Variants in GRIP1 observed in about 807,000 individuals in gnomAD.
The protein encoded by GRIP1 is glutamate receptor interacting protein 1.
In GRIP1, 45 loss-of-function variants were observed where a neutral mutation model predicts 129.9. The observed-to-expected ratio is 0.35, with a 90% confidence interval of 0.27 to 0.44. The LOEUF (loss-of-function observed/expected upper bound fraction) is 0.44, where lower values mean the gene tolerates loss of function less well. Among genes scored for constraint, GRIP1 ranks in the 20% least tolerant of loss-of-function variants. GRIP1 has a pLI of 1.00. For missense variants in GRIP1, 1,196 were observed against 1,396.8 expected (o/e 0.86, Z 2.29); for synonymous variants, 530 against 520.8 (o/e 1.02, Z -0.24).
chr12:66,639,573 T>C (rs930141512), intron 1 of GRIP1, among the ~76,000 whole-genome samples: 1 of 152,120 alleles, frequency 6.6e-6, no homozygotes, highest in African/African-American at 2.4e-5. Flanking sequence ...GGTAGGTGGG[T>C]TGTGAAGAGA....
chr12:66,522,757 T>C (rs1267393088), intron 5 of GRIP1, among the ~76,000 whole-genome samples: 1 of 151,832 alleles, frequency 6.6e-6, no homozygotes, highest in Non-Finnish European at 1.5e-5. Context: ...TTCAAACCAA[T>C]GGCAAAGAAG....
intron 2 of GRIP1, among the ~76,000 whole-genome samples, chr12:66,578,752 G>C (rs557406765): frequency 6.6e-6 from 1 of 152,190 alleles, no homozygotes; most frequent in Non-Finnish European, 1.5e-5. Flanking sequence ...CAAAGCAGCC[G>C]GGAAGCTCCA....
At position 66,351,555 on chromosome 12, in the gene GRIP1, G is replaced by GTTTTTTTTTT. The variant is rs1565655525; in HGVS notation, c.3159+1861_3159+1862insAAAAAAAAAA. 6.5e-4 allele frequency among the ~76,000 whole-genome samples: 94 copies of GTTTTTTTTTT among 143,526 alleles called. 1 individual carries two copies. Among genetic ancestry groups the GTTTTTTTTTT allele is most frequent in the African/African-American group, 2.4e-3 (91 of 37,506 alleles). 94.2% of individuals were successfully genotyped at this position (143,526 alleles called of 152,430 possible). A position where few individuals can be genotyped will look rare whatever the true frequency, so the allele number is the denominator to read the frequency against. On this transcript the variant is annotated intron_variant, in intron 24 of 24. Coordinates refer to ENST00000359742, the MANE Select transcript of GRIP1 (RefSeq NM_001366722.1). ...AGTATATGCAGGGAAACAGGAAGGT[G>GTTTTTTTTTT]GTTTTTTTTTTTTTTTTTTTGGAAA...
At chr12:66,837,903 C>T (rs898363024) in intron 1 of GRIP1, among the ~76,000 whole-genome samples, 5 of 152,068 alleles carry the variant, frequency 3.3e-5, no homozygotes. Context: ...GTTAAAAAAT[C>T]CAGCAGGAGG....
intron 1 of GRIP1, among the ~76,000 whole-genome samples, chr12:66,954,073 G>A (rs1231920576): frequency 1.3e-5 from 2 of 152,102 alleles, no homozygotes; most frequent in African/African-American, 4.8e-5. Context: ...TTCTCCTACT[G>A]GGTTTCAAGG....
chr12:66,541,909 C>T lies in GRIP1; in HGVS notation c.178G>A (p.Glu60Lys), dbSNP rs771245802. 48 of 1,613,888 alleles carry T rather than the reference C, an allele frequency of 3.0e-5. No homozygotes were observed. Among genetic ancestry groups the T allele is most frequent in the Non-Finnish European group, 3.9e-5 (46 of 1,179,876 alleles). ...GSTVVELMKK[E>K]GTTLGLTVSG... ...ACCGTCAGACCCAGGGTAGTGCCTTCCTTCTTCATCAGCTCGACGACTGTG... is the reference window on the plus strand; with the variant it reads ...ACCGTCAGACCCAGGGTAGTGCCTTTCTTCTTCATCAGCTCGACGACTGTG... Residue 60 changes from glutamate (E) to lysine (K), a missense_variant, in exon 3 of 25, where the codon GAA becomes AAA. Glu to Lys is a moderately conservative substitution (Grantham distance 56, BLOSUM62 1). This residue lies in a region of GRIP1 where 217 missense variants were observed against 224.8 expected (regional missense o/e 0.97). Transcript: ENST00000359742.
At chr12:66,707,503 T>TAAAAAAAAAAAAAAAAAAAAAAAA in intron 1 of GRIP1, among the ~76,000 whole-genome samples, 1 of 64,040 alleles carries the variant, frequency 1.6e-5, no homozygotes. Flanking sequence ...AATCACTGAC[T>TAAAAAAAAAAAAAAAAAAAAAAAA]AAAAAAAAAA....
chr12:66,562,327 C>T (rs1011903287), intron 2 of GRIP1, among the ~76,000 whole-genome samples: 1 of 152,160 alleles, frequency 6.6e-6, no homozygotes, highest in Admixed American at 6.5e-5. Flanking sequence ...ACGATATTGT[C>T]CTCATCACCA....
intron 1 of GRIP1, among the ~76,000 whole-genome samples, chr12:66,970,125 A>T (rs1208377974): frequency 6.6e-6 from 1 of 152,086 alleles, no homozygotes; most frequent in African/African-American, 2.4e-5. Context: ...TCTGTTGCCC[A>T]AGCTGGAATG....
At chr12:66,481,943 T>C (rs2059818098) in intron 7 of GRIP1, among the ~76,000 whole-genome samples, 1 of 145,864 alleles carries the variant, frequency 6.9e-6, no homozygotes. Context: ...CATCTGGGCC[T>C]GTCGGGGGGT....
At chr12:66,560,546 G>C (rs1254506583) in intron 2 of GRIP1, among the ~76,000 whole-genome samples, 1 of 151,964 alleles carries the variant, frequency 6.6e-6, no homozygotes, top group East Asian at 1.9e-4. Flanking sequence ...AAAAAAAAGA[G>C]AGACAAATGG....
At chr12:66,647,993 C>T (rs946424866) in intron 1 of GRIP1, among the ~76,000 whole-genome samples, 3 of 152,204 alleles carry the variant, frequency 2.0e-5, no homozygotes, top group African/African-American at 7.2e-5. Flanking sequence ...TGCTGCTTTG[C>T]ACTAGCATAG....
At chr12:66,839,654 A>C (rs11176443) in intron 1 of GRIP1, among the ~76,000 whole-genome samples, 1 of 152,182 alleles carries the variant, frequency 6.6e-6, no homozygotes, top group African/African-American at 2.4e-5. Context: ...TCAAAGGCCA[A>C]AAAAGAAAAT....
rs773651035 is a variant in GRIP1 at position 66,379,467 on chromosome 12, C to A, written c.2465-31G>T. On this transcript the variant is annotated intron_variant, in intron 19 of 24. Transcript: ENST00000359742. ...ATATAAACAAGGTGTTAGCATTGGG[C>A]CCAAGGATTACTTAATCCATTGAGA... 6.2e-6 allele frequency: 10 copies of A among 1,609,788 alleles called. No individual in the cohort carries two copies. In the South Asian group the frequency reaches 6.6e-5, roughly 11 times the overall value.
intron 1 of GRIP1, among the ~76,000 whole-genome samples, chr12:66,706,977 C>T (rs1358746136): frequency 4.0e-5 from 6 of 148,252 alleles, no homozygotes; most frequent in Non-Finnish European, 6.0e-5. Context: ...CCATGTATCC[C>T]TTTTTTTTTT....
At chr12:66,724,254 G>C (rs1402229288) in intron 1 of GRIP1, among the ~76,000 whole-genome samples, 1 of 152,150 alleles carries the variant, frequency 6.6e-6, no homozygotes. Context: ...ATGCTTTTCA[G>C]CAAACTACCT....
intron 1 of GRIP1, among the ~76,000 whole-genome samples, chr12:66,662,173 A>G (rs532071874): frequency 6.6e-6 from 1 of 152,142 alleles, no homozygotes; most frequent in South Asian, 2.1e-4. Flanking sequence ...ACCGAGATTT[A>G]CTCCATTCAA....
At chr12:66,540,948 G>A (rs1487282148) in intron 3 of GRIP1, among the ~76,000 whole-genome samples, 1 of 151,856 alleles carries the variant, frequency 6.6e-6, no homozygotes, top group Non-Finnish European at 1.5e-5. Context: ...ACAGGCATGT[G>A]CCATCACACC....
chr12:66,359,324 A>G (rs536610715), intron 23 of GRIP1, among the ~76,000 whole-genome samples: 149 of 152,322 alleles, frequency 9.8e-4, no homozygotes, highest in Non-Finnish European at 1.8e-3. Flanking sequence ...TTGAGGAAAC[A>G]TTTGGTGTGG....
Sources: allele counts gnomAD v4.1 joint callset (sites outside exome capture counted in the v4.1 genomes callset), GRCh38; gene constraint gnomAD v4.1.1; regional missense constraint gnomAD v4.1.1; transcripts MANE v1.5; gene names NCBI Gene and HGNC (gene_info 2026-07-23, HGNC 2026-07-21).